Variants in CYP7A1 observed in about 807,000 individuals in gnomAD.
CYP7A1 encodes the protein cytochrome P450 family 7 subfamily A member 1.
A neutral mutation model predicts 43.8 loss-of-function variants in CYP7A1; 28 were observed. The ratio of observed to expected loss-of-function variants is 0.64; its 90% CI spans 0.47 to 0.88. CYP7A1 has a LOEUF of 0.88. CYP7A1 is among the 40% of genes least tolerant of loss of function. The pLI is 0.00. For missense variants in CYP7A1, 637 were observed against 611.9 expected (o/e 1.04, Z -0.43); for synonymous variants, 227 against 222.5 (o/e 1.02, Z -0.18).
intron 1 of CYP7A1, among the ~76,000 whole-genome samples, chr8:58,499,412 G>A (rs8192871): frequency 0.53 from 80,804 of 152,028 alleles, 22,129 homozygotes; most frequent in Admixed American, 0.65. Context: ...GACTGTATTT[G>A]TTTTTCTTGC....
In CYP7A1 at chr8:58,491,720, A is replaced by G; in HGVS notation, c.1270T>C (p.Tyr424His). Reference sequence around the variant, plus strand: ...TACTTTAACTTGAGTCCATTACAATAGAAGGTAGTCTTTGTCTTCCCGTTT... The same window carrying G: ...TACTTTAACTTGAGTCCATTACAATGGAAGGTAGTCTTTGTCTTCCCGTTT... ...DENGKTKTTF[Y>H]CNGLKLKYYY... The change falls in exon 6 of 6, where the codon TAT (tyrosine) becomes CAT (histidine). Residue 424 changes from tyrosine to histidine, a missense_variant. Coordinates refer to ENST00000301645, the MANE Select transcript of CYP7A1 (RefSeq NM_000780.4). 2.5e-6 allele frequency: 4 copies of G among 1,613,398 alleles called. No individual in the cohort carries two copies. The highest frequency in any genetic ancestry group is 3.4e-6 in the Non-Finnish European group (4 of 1,179,284).
Position 58,494,541 on chromosome 8 carries a change from A to G in CYP7A1, c.1004T>C (p.Leu335Ser). Residue 335 changes from leucine (L) to serine (S), a missense_variant, in exon 4 of 6, where the codon TTG becomes TCG. Leu to Ser is a moderately radical substitution (Grantham distance 145, BLOSUM62 -2). Transcript: ENST00000301645. ...KVSLEGNPICLSQAELNDLPV... is the reference protein window; with the variant it reads ...KVSLEGNPICSSQAELNDLPV... ...CAGGTCATTCAGTTCTGCTTGACTC[A>G]AACAAATAGGATTGCCTTCCAAGCT... The G allele has an allele frequency of 6.2e-7, 1 of 1,614,166 alleles. No individual in the cohort carries two copies. The highest frequency in any genetic ancestry group is 1.3e-5 in the African/African-American group (1 of 75,080).
Position 58,496,898 on chromosome 8 carries a change from T to C in CYP7A1, c.614A>G (p.Asn205Ser), listed in dbSNP as rs1809452059. 1 of 1,614,204 alleles carries C rather than the reference T, an allele frequency of 6.2e-7. No homozygotes were observed. Among genetic ancestry groups the C allele is most frequent in the East Asian group, 2.2e-5 (1 of 44,886 alleles). Residue 205 changes from asparagine (N) to serine (S), a missense_variant, in exon 3 of 6, where the codon AAT (asparagine) becomes AGT (serine). Physicochemically the swap from Asn to Ser is conservative, Grantham distance 46 (BLOSUM62 1). Transcript: ENST00000301645. Reference protein sequence around the residue: ...RDTQKAHILNNLDNFKQFDKV... With the variant: ...RDTQKAHILNSLDNFKQFDKV... ...GTCGAATTGCTTGAAGTTGTCAAGA[T>C]TGTTTAGAATATGTGCTTTCTGTGT... is the stretch of plus-strand genomic sequence containing the variant.
intron 4 of CYP7A1, among the ~76,000 whole-genome samples, chr8:58,493,099 T>C (rs1809378544): frequency 6.6e-6 from 1 of 152,118 alleles, no homozygotes; most frequent in Admixed American, 6.6e-5. Flanking sequence ...TGATCCTGAG[T>C]TAATAATAAT....
chr8:58,495,183 A>C (rs1258412473), intron 3 of CYP7A1, among the ~76,000 whole-genome samples: 2 of 134,956 alleles, frequency 1.5e-5, no homozygotes, highest in Non-Finnish European at 3.2e-5. Context: ...TGCTACATAA[A>C]AGTTAAACTT....
intron 4 of CYP7A1, 94 bp from the exon 5 acceptor site, chr8:58,492,622 T>C (rs893248040): frequency 4.0e-5 from 40 of 1,011,440 alleles, no homozygotes; most frequent in African/African-American, 3.5e-4. Flanking sequence ...TCATATGATA[T>C]AGAGTCTGAA....
At chr8:58,496,404 C>T (rs1809442859) in intron 3 of CYP7A1, among the ~76,000 whole-genome samples, 200 bp downstream of exon 3, 1 of 152,146 alleles carries the variant, frequency 6.6e-6, no homozygotes, top group Admixed American at 6.5e-5. Context: ...TTCTATAAAA[C>T]ACTTTTACCA....
In CYP7A1 at chr8:58,492,518, GA is replaced by G; in HGVS notation, c.1049del (p.Ile350ThrfsTer5). On this transcript the variant is annotated frameshift_variant, in exon 5 of 6. Coordinates refer to ENST00000301645, the MANE Select transcript of CYP7A1 (RefSeq NM_000780.4). LOFTEE classifies it high-confidence loss of function. The part of the protein sequence containing the change: ...LNDLPVLDSI[I>X]KESLRLSSAS... ...CACTGGAAAGCCTCAGCGATTCCTT[GA>G]TTATACTATCTAAACATTTTAAAAG... 2 of 1,612,472 alleles carry G rather than the reference GA, an allele frequency of 1.2e-6. No individual in the cohort carries two copies. Among genetic ancestry groups the G allele is most frequent in the Non-Finnish European group, 1.7e-6 (2 of 1,178,606 alleles).
At chr8:58,498,610 G>T in intron 1 of CYP7A1, 141 bp from the exon 2 acceptor site, 1 of 820,626 alleles carries the variant, frequency 1.2e-6, no homozygotes, top group Non-Finnish European at 2.0e-6. Flanking sequence ...GATGGGCCCT[G>T]CTCTTTTACT....
intron 3 of CYP7A1, among the ~76,000 whole-genome samples, chr8:58,495,465 T>G (rs549594952): frequency 2.0e-5 from 3 of 152,204 alleles, no homozygotes; most frequent in Non-Finnish European, 4.4e-5. Flanking sequence ...CCTGACCTTG[T>G]GATCCGCCCG....
intron 3 of CYP7A1, among the ~76,000 whole-genome samples, chr8:58,495,348 C>A (rs945427041): frequency 6.6e-6 from 1 of 151,584 alleles, no homozygotes; most frequent in African/African-American, 2.4e-5. Flanking sequence ...GCCTCAGCCT[C>A]CCGAGTAGCT....
In CYP7A1 at chr8:58,496,749, C is replaced by G; in HGVS notation, c.763G>C (p.Glu255Gln). The change falls in exon 3 of 6, where the codon GAA becomes CAA. Residue 255 changes from glutamate to glutamine, a missense_variant. By Grantham distance (29) the Glu-to-Gln change is conservative. Transcript: ENST00000301645. ...ENLQKRESIS[E>Q]LISLRMFLND... is the part of the protein sequence containing the mutation. Reference sequence around the variant, plus strand: ...AGAAACATGCGCAGGCTGATCAGTTCTGAGATGCTTTCCCTCTTTTGGAGG... The same window carrying G: ...AGAAACATGCGCAGGCTGATCAGTTGTGAGATGCTTTCCCTCTTTTGGAGG... The G allele has an allele frequency of 6.2e-7, 1 of 1,614,202 alleles. No homozygotes were observed. The highest frequency in any genetic ancestry group is 1.3e-5 in the African/African-American group (1 of 75,052).
Position 58,494,647 on chromosome 8 carries a change from G to A in CYP7A1, c.909-11C>T. 10 of 1,613,216 alleles carry A rather than the reference G, an allele frequency of 6.2e-6. No individual in the cohort carries two copies. The highest frequency in any genetic ancestry group is 7.6e-6 in the Non-Finnish European group (9 of 1,179,620). The stretch of plus-strand genomic sequence containing the variant: ...ATTGCTTCTGGGTTCCTATTAAAAG[G>A]TAAGAGAAAACATGTATGTACAGAA... On this transcript the variant is annotated splice_polypyrimidine_tract_variant and intron_variant, in intron 3 of 5. Transcript: ENST00000301645.
In CYP7A1 at chr8:58,497,087, G is replaced by T. The variant is rs779007978; in HGVS notation, c.425C>A (p.Thr142Lys). 1.9e-6 allele frequency: 3 copies of T among 1,601,548 alleles called. No individual in the cohort carries two copies. In the Admixed American group the frequency reaches 5.0e-5, roughly 27 times the overall value. Residue 142 changes from threonine (T) to lysine (K), a missense_variant, in exon 3 of 6, where the codon ACG (threonine) becomes AAG (lysine). Coordinates refer to ENST00000301645, the MANE Select transcript of CYP7A1 (RefSeq NM_000780.4). Reference protein sequence around the residue: ...TLQGHALNSLTESMMENLQRI... With the variant: ...TLQGHALNSLKESMMENLQRI... ...TTGGAGGTTTTCCATCATGCTTTCC[G>T]TGAGGGAATTCAAGGCATGGCCCTG...
intron 4 of CYP7A1, among the ~76,000 whole-genome samples, chr8:58,493,470 G>T (rs1186568976): frequency 1.3e-5 from 2 of 152,164 alleles, no homozygotes; most frequent in Non-Finnish European, 2.9e-5. Context: ...GCTCGCGAGA[G>T]GTCCAGCCTG....
chr8:58,492,819 C>T (rs921395068), intron 4 of CYP7A1, among the ~76,000 whole-genome samples: 16 of 152,154 alleles, frequency 1.1e-4, no homozygotes. Context: ...TGCTGCAGTG[C>T]AGTGGCATGA....
chr8:58,495,215 T>TTATTTATTTATTTATTTA (rs369276545), intron 3 of CYP7A1, among the ~76,000 whole-genome samples: 1 of 143,402 alleles, frequency 7.0e-6, no homozygotes, highest in African/African-American at 2.6e-5. Flanking sequence ...TTTATTTTAT[T>TTATTTATTTATTTATTTA]TTTATTTATT....
In CYP7A1 at chr8:58,496,819, C is replaced by G; in HGVS notation, c.693G>C (p.Ala231=). 1 of 1,614,162 alleles carries G rather than the reference C, an allele frequency of 6.2e-7. No homozygotes were observed. Among genetic ancestry groups the G allele is most frequent in the Non-Finnish European group, 8.5e-7 (1 of 1,180,040 alleles). ...AGLPIHMFRT[A]HNAREKLAES... ...CTGCCAGTTTCTCCCGGGCATTGTG[C>G]GCAGTCCTGAACATGTGAATGGGGA... Residue 231 remains alanine, a synonymous_variant, in exon 3 of 6, where the codon GCG becomes GCC. Transcript: ENST00000301645.
At position 58,492,353 on chromosome 8, in the gene CYP7A1, C is replaced by G. The variant is rs761084132; in HGVS notation, c.1215G>C (p.Leu405Phe). 4.3e-5 allele frequency: 69 copies of G among 1,612,620 alleles called. No homozygotes were observed. Among genetic ancestry groups the G allele is most frequent in the Non-Finnish European group, 5.8e-5 (68 of 1,178,906 alleles). Residue 405 changes from leucine to phenylalanine, a missense_variant and splice_region_variant, in exon 5 of 6, where the codon TTG becomes TTC. Physicochemically the swap from Leu to Phe is conservative, Grantham distance 22 (BLOSUM62 0). Coordinates refer to ENST00000301645, the MANE Select transcript of CYP7A1 (RefSeq NM_000780.4). The stretch of plus-strand genomic sequence containing the variant: ...TGAATTTCAATGGGCAGGCACTTAC[C>G]AAAGGGTCTGGGTAGATTTCTGGAT... Reference protein sequence around the residue: ...HLDPEIYPDPLTFKYDRYLDE... With the variant: ...HLDPEIYPDPFTFKYDRYLDE...
Sources: allele counts gnomAD v4.1 joint callset (sites outside exome capture counted in the v4.1 genomes callset), GRCh38; gene constraint gnomAD v4.1.1; transcripts MANE v1.5; gene names NCBI Gene and HGNC (gene_info 2026-07-23, HGNC 2026-07-21).